The following LIFR variants were observed in gnomAD, a reference collection of about 807,000 sequenced individuals.
LIFR encodes the protein LIF receptor subunit alpha.
Under a neutral mutation model 122.2 loss-of-function variants are expected in LIFR, and 84 were observed. The observed-to-expected ratio is 0.69, with a 90% confidence interval of 0.58 to 0.82. The LOEUF is 0.82. LIFR is among the 40% of genes least tolerant of loss of function. The probability of loss-of-function intolerance (pLI) is 0.00; values close to 1 mark genes in which losing one functional copy is unlikely to be tolerated. For synonymous variants in LIFR, 422 were observed against 434.7 expected (o/e 0.97, Z 0.36); for missense variants, 1,294 against 1,311.6 (o/e 0.99, Z 0.21).
At chr5:38,542,160 T>C (rs1009848737) in intron 1 of LIFR, among the ~76,000 whole-genome samples, 1 of 152,224 alleles carries the variant, frequency 6.6e-6, no homozygotes, top group African/African-American at 2.4e-5. Flanking sequence ...TCAATGTAAA[T>C]CTTACTCTAG....
chr5:38,532,967 A>T (rs757204682), intron 1 of LIFR, among the ~76,000 whole-genome samples: 28 of 152,214 alleles, frequency 1.8e-4, no homozygotes, highest in Non-Finnish European at 4.1e-4. Flanking sequence ...GTGCAAATGC[A>T]AATATGCAGG....
chr5:38,530,583 G>C lies in LIFR; in HGVS notation c.65C>G (p.Thr22Ser), dbSNP rs1746952016. The change falls in exon 2 of 20, where the codon ACT becomes AGT. Residue 22 changes from threonine (T) to serine (S), a missense_variant. By Grantham distance (58) the Thr-to-Ser change is moderately conservative. Coordinates refer to ENST00000453190, the MANE Select transcript of LIFR (RefSeq NM_001127671.2). ...SWMVDNKRMR[T>S]ASNFQWLLST... ...TAACAGCCACTGGAAATTTGAAGCA[G>C]TCCTCATTCTTTTATTGTCCACCAT... 6.2e-7 allele frequency: 1 copy of C among 1,612,016 alleles called. No homozygotes were observed. The highest frequency in any genetic ancestry group is 1.7e-4 in the Middle Eastern group (1 of 6,056).
intron 13 of LIFR, among the ~76,000 whole-genome samples, chr5:38,495,285 G>A (rs917698331): frequency 2.0e-5 from 3 of 152,196 alleles, no homozygotes; most frequent in Non-Finnish European, 4.4e-5. Context: ...CATTGTGAGT[G>A]CAATGAAACA....
intron 11 of LIFR, among the ~76,000 whole-genome samples, chr5:38,499,847 C>G (rs950466840): frequency 2.0e-5 from 3 of 152,136 alleles, no homozygotes; most frequent in Admixed American, 6.5e-5. Flanking sequence ...CTCTCACTCC[C>G]TCCTTTCTTG....
chr5:38,510,447 T>G lies in LIFR; in HGVS notation c.991+17A>C, dbSNP rs1315402617. On this transcript the variant is annotated intron_variant, in intron 7 of 19. Coordinates refer to ENST00000453190, the MANE Select transcript of LIFR (RefSeq NM_001127671.2). ...AACAGGTTAATAGGAATTCTCTCTT[T>G]AAAATCATATACTTACATCCAGCAA... The G allele has an allele frequency of 6.2e-7, 1 of 1,611,490 alleles. No individual in the cohort carries two copies. Among genetic ancestry groups the G allele is most frequent in the Non-Finnish European group, 8.5e-7 (1 of 1,179,240 alleles).
chr5:38,510,353 G>T, intron 7 of LIFR, 111 bp downstream of exon 7: 1 of 1,010,174 alleles, frequency 9.9e-7, no homozygotes, highest in South Asian at 1.4e-5. Flanking sequence ...ACAAAGAAAT[G>T]AGAAAGAAAC....
intron 1 of LIFR, among the ~76,000 whole-genome samples, chr5:38,607,246 A>G (rs956249031): frequency 2.0e-5 from 3 of 152,190 alleles, no homozygotes; most frequent in African/African-American, 7.2e-5. Flanking sequence ...TGGCACTTAC[A>G]GCTCAGGGTC....
intron 18 of LIFR, 23 bp from the exon 19 acceptor site, chr5:38,482,690 G>T: frequency 1.0e-6 from 1 of 992,230 alleles, no homozygotes; most frequent in Non-Finnish European, 1.5e-6. Flanking sequence ...AATTATTACA[G>T]TAAATTTAAT....
chr5:38,562,678 C>T (rs2112695441), intron 1 of LIFR, among the ~76,000 whole-genome samples: 1 of 152,320 alleles, frequency 6.6e-6, no homozygotes, highest in East Asian at 1.9e-4. Flanking sequence ...AGCTGAGGTC[C>T]AGCCAGGGGT....
In LIFR at chr5:38,486,818, C is replaced by A. The variant is rs982572978; in HGVS notation, c.2336-838G>T. On this transcript the variant is annotated intron_variant, in intron 16 of 19. Coordinates refer to ENST00000453190, the MANE Select transcript of LIFR (RefSeq NM_001127671.2). ...TTTTACGCTACCATCACCCTTTCCC[C>A]CACCACATCATTCGTATAGAAACAT... 2.6e-5 allele frequency among the ~76,000 whole-genome samples: 4 copies of A among 152,180 alleles called. 1 individual carries two copies. The highest frequency in any genetic ancestry group is 9.7e-5 in the African/African-American group (4 of 41,444).
At chr5:38,484,274 T>A (rs185805881) in intron 18 of LIFR, among the ~76,000 whole-genome samples, 290 of 152,312 alleles carry the variant, frequency 1.9e-3, no homozygotes, top group African/African-American at 6.5e-3. Context: ...GCTGGATGCC[T>A]ATGGTTTACT....
At chr5:38,566,824 T>C (rs1456730226) in intron 1 of LIFR, among the ~76,000 whole-genome samples, 1 of 152,192 alleles carries the variant, frequency 6.6e-6, no homozygotes, top group African/African-American at 2.4e-5. Flanking sequence ...AATGTTCATA[T>C]GACAAGTGAT....
intron 1 of LIFR, among the ~76,000 whole-genome samples, chr5:38,564,501 G>A (rs1445516283): frequency 6.6e-6 from 1 of 151,884 alleles, no homozygotes; most frequent in Non-Finnish European, 1.5e-5. Context: ...ACAGGTGTGA[G>A]CCACCACACC....
intron 1 of LIFR, among the ~76,000 whole-genome samples, chr5:38,578,895 T>C (rs1478813325): frequency 6.6e-6 from 1 of 152,174 alleles, no homozygotes; most frequent in African/African-American, 2.4e-5. Flanking sequence ...ATATATATTT[T>C]TTTTAGTTCA....
At position 38,585,940 on chromosome 5, in the gene LIFR, C is replaced by G. The variant is rs925726130; in HGVS notation, c.-20+9321G>C. Among the ~76,000 whole-genome samples the G allele has an allele frequency of 2.6e-5, 4 of 152,040 alleles. 1 individual carries two copies. Among genetic ancestry groups the G allele is most frequent in the Admixed American group, 1.3e-4 (2 of 15,268 alleles). On this transcript the variant is annotated intron_variant, in intron 1 of 19. Transcript: ENST00000263409. ...CCCACCAAGAGAGCATGATTGATGA[C>G]CCAGAGCAGTCAATCCCCTTCTGTT...
At chr5:38,604,315 C>T (rs917859190) in intron 2 of LIFR, among the ~76,000 whole-genome samples, 1 of 152,148 alleles carries the variant, frequency 6.6e-6, no homozygotes, top group Non-Finnish European at 1.5e-5. Context: ...GGCAAGGCAG[C>T]GTCTCTGACT....
intron 2 of LIFR, among the ~76,000 whole-genome samples, chr5:38,601,053 A>G (rs554829225): frequency 1.1e-4 from 16 of 152,322 alleles, no homozygotes; most frequent in African/African-American, 3.4e-4. Context: ...ATGTTGAAAC[A>G]TATGTCTATC....
intron 1 of LIFR, among the ~76,000 whole-genome samples, chr5:38,564,117 G>A (rs556453203): frequency 6.6e-6 from 1 of 152,230 alleles, no homozygotes; most frequent in African/African-American, 2.4e-5. Flanking sequence ...AGATTGTATT[G>A]CTAGTTGAGA....
intron 1 of LIFR, among the ~76,000 whole-genome samples, chr5:38,532,527 ACT>A (rs1747067722): frequency 6.6e-6 from 1 of 152,076 alleles, no homozygotes; most frequent in East Asian, 1.9e-4. Flanking sequence ...CGGATCAAAG[ACT>A]CTGCTGAGGA....
Sources: allele counts gnomAD v4.1 joint callset (sites outside exome capture counted in the v4.1 genomes callset), GRCh38; gene constraint gnomAD v4.1.1; transcripts MANE v1.5; gene names NCBI Gene and HGNC (gene_info 2026-07-23, HGNC 2026-07-21).